SCAPER: variants seen among roughly 807,000 people sequenced by gnomAD.
The protein encoded by SCAPER is S phase cyclin A-associated protein in the endoplasmic reticulum.
SCAPER carries 98 observed loss-of-function variants against 182.2 expected under a neutral mutation model. The observed-to-expected ratio is 0.54, with a 90% CI of 0.46 to 0.64. The LOEUF is 0.64. Among genes scored for constraint, SCAPER ranks in the 30% least tolerant of loss-of-function variants. SCAPER has a pLI of 0.00. For synonymous variants in SCAPER, 605 were observed against 564.6 expected (o/e 1.07, Z -1.01); for missense variants, 1,432 against 1,690.0 (o/e 0.85, Z 2.68).
intron 16 of SCAPER, among the ~76,000 whole-genome samples, chr15:76,729,258 T>TTA (rs1167770352): frequency 1.0e-4 from 15 of 146,066 alleles, no homozygotes; most frequent in South Asian, 4.3e-4. Context: ...TATATATGTT[T>TTA]TATATATATA....
chr15:76,503,714 A>C (rs2041337561), intron 24 of SCAPER, among the ~76,000 whole-genome samples: 2 of 152,180 alleles, frequency 1.3e-5, no homozygotes, highest in South Asian at 4.1e-4. Flanking sequence ...TAAGGCACTC[A>C]CTCAAATTTT....
At chr15:76,514,224 A>G (rs2144111716) in intron 23 of SCAPER, among the ~76,000 whole-genome samples, 1 of 152,316 alleles carries the variant, frequency 6.6e-6, no homozygotes, top group South Asian at 2.1e-4. Context: ...GATTGAGAAA[A>G]ACATACCTTT....
At chr15:76,504,036 G>A (rs2041370383) in intron 24 of SCAPER, among the ~76,000 whole-genome samples, 1 of 151,902 alleles carries the variant, frequency 6.6e-6, no homozygotes, top group Non-Finnish European at 1.5e-5. Context: ...ACAGGTGTGT[G>A]CCACTATGCC....
At chr15:76,396,822 C>T (rs1489021678) in intron 27 of SCAPER, among the ~76,000 whole-genome samples, 2 of 152,104 alleles carry the variant, frequency 1.3e-5, no homozygotes, top group Non-Finnish European at 2.9e-5. Flanking sequence ...TGTCTGATTG[C>T]TCTAGCTAGG....
At chr15:76,518,372 G>C (rs1393208560) in intron 23 of SCAPER, among the ~76,000 whole-genome samples, 1 of 152,098 alleles carries the variant, frequency 6.6e-6, no homozygotes, top group Non-Finnish European at 1.5e-5. Context: ...GATATTTATT[G>C]CAATATATAT....
At chr15:76,697,114 G>C (rs1270060871) in intron 20 of SCAPER, among the ~76,000 whole-genome samples, 1 of 151,980 alleles carries the variant, frequency 6.6e-6, no homozygotes, top group African/African-American at 2.4e-5. Flanking sequence ...AAGAAGAAAG[G>C]TCACAGACAA....
chr15:76,876,134 TCAGGAACTCTAG>T (rs2073140583), intron 2 of SCAPER, among the ~76,000 whole-genome samples: 1 of 152,110 alleles, frequency 6.6e-6, no homozygotes, highest in Non-Finnish European at 1.5e-5. Flanking sequence ...CCCACGCCCA[TCAGGAACTCTAG>T]CTGGCCCGCA....
intron 29 of SCAPER, among the ~76,000 whole-genome samples, chr15:76,365,021 C>A (rs903678419): frequency 6.6e-6 from 1 of 152,064 alleles, no homozygotes; most frequent in Non-Finnish European, 1.5e-5. Flanking sequence ...CCCCCAGCCC[C>A]GAGAATGTCA....
Position 76,789,438 on chromosome 15 carries a change from T to C in SCAPER, c.772+5842A>G, listed in dbSNP as rs149958389. Among the ~76,000 whole-genome samples, 1,018 of 152,260 alleles carry C rather than the reference T, an allele frequency of 6.7e-3. 20 individuals carry two copies. The highest frequency in any genetic ancestry group is 0.023 in the African/African-American group (951 of 41,568). On this transcript the variant is annotated intron_variant, in intron 8 of 31. Coordinates refer to ENST00000563290, the MANE Select transcript of SCAPER (RefSeq NM_020843.4). ...TTGAAAGCTTCCTTATAGAAAGAAATGCTGCTTAAAATTGGACCTAATCTT... is the reference window on the plus strand; with the variant it reads ...TTGAAAGCTTCCTTATAGAAAGAAACGCTGCTTAAAATTGGACCTAATCTT...
intron 2 of SCAPER, among the ~76,000 whole-genome samples, chr15:76,869,426 A>T (rs193065773): frequency 8.5e-4 from 129 of 152,302 alleles, no homozygotes; most frequent in East Asian, 1.5e-3. Context: ...CAAAACACAA[A>T]TAATCCAAAT....
chr15:76,778,023 T>G (rs529522314), intron 8 of SCAPER, among the ~76,000 whole-genome samples: 1 of 152,306 alleles, frequency 6.6e-6, no homozygotes, highest in Admixed American at 6.5e-5. Context: ...ACTATACTGA[T>G]AGTGAAAAAC....
intron 22 of SCAPER, among the ~76,000 whole-genome samples, chr15:76,604,020 T>C: frequency 8.3e-6 from 1 of 121,050 alleles, no homozygotes; most frequent in Non-Finnish European, 2.0e-5. Flanking sequence ...CAGAAGCTCT[T>C]TAGTTTAATT....
intron 24 of SCAPER, among the ~76,000 whole-genome samples, chr15:76,502,177 A>G (rs990023933): frequency 2.6e-5 from 4 of 152,246 alleles, no homozygotes; most frequent in African/African-American, 9.6e-5. Flanking sequence ...ATAGTGCCAC[A>G]ATAAACATAC....
intron 18 of SCAPER, among the ~76,000 whole-genome samples, chr15:76,703,740 T>C (rs1276594653): frequency 1.3e-5 from 2 of 152,208 alleles, no homozygotes. Flanking sequence ...TGTATGCCTC[T>C]CTTTATGTGG....
intron 15 of SCAPER, 54 bp from the exon 16 acceptor site, chr15:76,733,438 T>G: frequency 6.4e-7 from 1 of 1,571,368 alleles, no homozygotes; most frequent in Non-Finnish European, 8.6e-7. Context: ...TAGGGCACAT[T>G]ACAAAAATAA....
At position 76,573,639 on chromosome 15, in the gene SCAPER, T is replaced by G. The variant is rs146137137; in HGVS notation, c.2838+519A>C. ...GTTATCAGTTGCTATTACAGGAAGTTTTATTTCTTCTTTGTACGTTTAACA... is the reference window on the plus strand; with the variant it reads ...GTTATCAGTTGCTATTACAGGAAGTGTTATTTCTTCTTTGTACGTTTAACA... On this transcript the variant is annotated intron_variant, in intron 23 of 31. Transcript: ENST00000563290. 1.0e-3 allele frequency among the ~76,000 whole-genome samples: 159 copies of G among 152,238 alleles called. 3 individuals are homozygous for G. The highest frequency in any genetic ancestry group is 3.8e-3 in the African/African-American group (156 of 41,572).
intron 23 of SCAPER, among the ~76,000 whole-genome samples, chr15:76,571,046 A>C (rs2047399149): frequency 6.6e-6 from 1 of 152,026 alleles, no homozygotes; most frequent in Non-Finnish European, 1.5e-5. Context: ...AAATCGGAAA[A>C]ATCTCCTATT....
At chr15:76,691,489 A>G (rs1374173088) in intron 20 of SCAPER, among the ~76,000 whole-genome samples, 2 of 152,144 alleles carry the variant, frequency 1.3e-5, no homozygotes, top group African/African-American at 4.8e-5. Context: ...GCGATACACA[A>G]ATTGAAAAAT....
At chr15:76,659,831 C>G (rs1487635496) in intron 21 of SCAPER, among the ~76,000 whole-genome samples, 1 of 152,154 alleles carries the variant, frequency 6.6e-6, no homozygotes, top group East Asian at 1.9e-4. Context: ...TTGTGCAGAG[C>G]AGTCTGTAGA....
Sources: gnomAD v4.1 joint callset for allele counts (sites outside exome capture counted in the v4.1 genomes callset) on GRCh38, gnomAD v4.1.1 for gene constraint, MANE v1.5 for transcripts, NCBI Gene and HGNC (gene_info 2026-07-23, HGNC 2026-07-21) for gene names.